Variants in SLC35F2 observed in about 807,000 individuals in gnomAD.
The protein encoded by SLC35F2 is queuine/queuosine transporter SLC35F2.
A neutral mutation model predicts 38.1 loss-of-function variants in SLC35F2; 25 were observed. That is an observed-to-expected ratio of 0.66 (90% CI 0.48 to 0.92). SLC35F2 has a LOEUF of 0.92. Among genes scored for constraint, SLC35F2 ranks in the 40% least tolerant of loss-of-function variants. The pLI is 0.00. For synonymous variants in SLC35F2, 173 were observed against 181.7 expected (o/e 0.95, Z 0.38); for missense variants, 409 against 452.9 (o/e 0.90, Z 0.88).
chr11:107,792,695 G>C lies in SLC35F2; in HGVS notation c.1045C>G (p.Pro349Ala). The change falls in exon 8 of 8, where the codon CCA becomes GCA. Residue 349 changes from proline to alanine, a missense_variant. Coordinates refer to ENST00000525815, the MANE Select transcript of SLC35F2 (RefSeq NM_017515.5). ...TTGTCAATCCCAATGCTGGTGACTG[G>C]AGGCACGCTGCTTTCAGCCGGCTCG... Reference protein sequence around the residue: ...TAEPAESSVPPVTSIGIDNLG... With the variant: ...TAEPAESSVPAVTSIGIDNLG... 1 of 1,613,950 alleles carries C rather than the reference G, an allele frequency of 6.2e-7. No individual in the cohort carries two copies. Among genetic ancestry groups the C allele is most frequent in the African/African-American group, 1.3e-5 (1 of 75,026 alleles).
intron 4 of SLC35F2, 70 bp from the exon 5 acceptor site, chr11:107,805,585 G>A (rs1476921212): frequency 2.6e-5 from 40 of 1,533,846 alleles, no homozygotes; most frequent in Non-Finnish European, 3.0e-5. Context: ...GCCTCCAGGC[G>A]GTCATCTGAC....
intron 1 of SLC35F2, among the ~76,000 whole-genome samples, chr11:107,832,315 A>ATT (rs1859856919): frequency 1.3e-5 from 2 of 152,216 alleles, no homozygotes; most frequent in Admixed American, 6.5e-5. Flanking sequence ...TTCTGAATCT[A>ATT]CGAGAACAAG....
At chr11:107,809,819 A>G in intron 3 of SLC35F2, 2 of 985,354 alleles carry the variant, frequency 2.0e-6, no homozygotes, top group South Asian at 4.7e-5. Context: ...GAAAATGAAA[A>G]TTGAATTAAC....
intron 1 of SLC35F2, among the ~76,000 whole-genome samples, chr11:107,834,481 T>C (rs534781383): frequency 2.0e-5 from 3 of 152,058 alleles, no homozygotes; most frequent in Non-Finnish European, 4.4e-5. Flanking sequence ...TGAAACCCCA[T>C]CTCTACTAAA....
intron 3 of SLC35F2, among the ~76,000 whole-genome samples, chr11:107,808,714 C>T (rs978230693): frequency 2.6e-5 from 4 of 152,156 alleles, no homozygotes; most frequent in African/African-American, 9.7e-5. Context: ...GTTATTTATT[C>T]CAGCTGCAGA....
chr11:107,826,143 A>G (rs914405627), intron 1 of SLC35F2, among the ~76,000 whole-genome samples: 6 of 152,238 alleles, frequency 3.9e-5, no homozygotes, highest in African/African-American at 1.4e-4. Flanking sequence ...AAAGCAAGGC[A>G]CATATTTATA....
intron 1 of SLC35F2, among the ~76,000 whole-genome samples, chr11:107,840,149 C>T (rs778008729): frequency 6.6e-6 from 1 of 152,096 alleles, no homozygotes; most frequent in Non-Finnish European, 1.5e-5. Flanking sequence ...AAGAGGTGCA[C>T]AAACATGGAC....
At chr11:107,828,952 C>A (rs1309703585) in intron 1 of SLC35F2, among the ~76,000 whole-genome samples, 1 of 149,630 alleles carries the variant, frequency 6.7e-6, no homozygotes, top group Non-Finnish European at 1.5e-5. Flanking sequence ...ACTAAAAATA[C>A]AAAAAATTAG....
intron 1 of SLC35F2, among the ~76,000 whole-genome samples, chr11:107,837,184 C>A (rs1859942710): frequency 6.6e-6 from 1 of 152,136 alleles, no homozygotes; most frequent in Non-Finnish European, 1.5e-5. Flanking sequence ...ACTGTCCCAT[C>A]CCCTACATAA....
At chr11:107,795,509 ACAAT>A (rs1859203999) in intron 7 of SLC35F2, among the ~76,000 whole-genome samples, 1 of 152,250 alleles carries the variant, frequency 6.6e-6, no homozygotes. Context: ...AGCAAAGAAG[ACAAT>A]CAACAGAGTG....
intron 1 of SLC35F2, among the ~76,000 whole-genome samples, chr11:107,824,194 C>T (rs954648072): frequency 1.3e-5 from 2 of 152,096 alleles, no homozygotes; most frequent in African/African-American, 4.8e-5. Flanking sequence ...TGTATATGAT[C>T]ACCTCACAAA....
intron 2 of SLC35F2, among the ~76,000 whole-genome samples, chr11:107,814,158 A>C (rs996930653): frequency 1.3e-5 from 2 of 152,166 alleles, no homozygotes; most frequent in African/African-American, 4.8e-5. Flanking sequence ...ACCCCTTTAC[A>C]ACAAAGGGTT....
At chr11:107,832,611 T>C (rs1238358899) in intron 1 of SLC35F2, among the ~76,000 whole-genome samples, 1 of 152,126 alleles carries the variant, frequency 6.6e-6, no homozygotes, top group African/African-American at 2.4e-5. Context: ...AAGACAAGCC[T>C]GGGCAACATG....
chr11:107,794,069 A>G (rs962862227), intron 7 of SLC35F2, among the ~76,000 whole-genome samples: 1 of 147,670 alleles, frequency 6.8e-6, no homozygotes, highest in African/African-American at 2.5e-5. Flanking sequence ...TAAAGAAATC[A>G]GTCTGTATTT....
At chr11:107,810,058 A>G (rs1321208877) in intron 3 of SLC35F2, 10 of 985,310 alleles carry the variant, frequency 1.0e-5, no homozygotes, top group Non-Finnish European at 1.2e-5. Context: ...AGGTTCAAAG[A>G]CCACCTAATC....
In SLC35F2 at chr11:107,792,040, T is replaced by C. The variant is rs1260014438; in HGVS notation, c.*575A>G. 6.6e-6 allele frequency: 1 copy of C among 151,826 alleles called. No individual in the cohort carries two copies. Among genetic ancestry groups the C allele is most frequent in the Non-Finnish European group, 1.5e-5 (1 of 68,134 alleles). The allele number at this position is 151,826 out of a possible 1,614,324, so 9.4% of individuals were successfully genotyped here. On this transcript the variant is annotated 3_prime_UTR_variant, in exon 8 of 8. Coordinates refer to ENST00000525815, the MANE Select transcript of SLC35F2 (RefSeq NM_017515.5). ...TTACTGCACTCCAGTTTAATGCTTG[T>C]ATAGTACTCACACTTATATCTCAAG...
intron 1 of SLC35F2, among the ~76,000 whole-genome samples, chr11:107,854,566 C>T (rs551841777): frequency 9.2e-5 from 14 of 152,278 alleles, no homozygotes; most frequent in African/African-American, 2.9e-4. Flanking sequence ...CAAAATTACA[C>T]ACTCCACTAA....
Position 107,803,135 on chromosome 11 carries a change from C to T in SLC35F2, c.805G>A (p.Ala269Thr). The change falls in exon 7 of 8, where the codon GCC becomes ACC. Residue 269 changes from alanine (A) to threonine (T), a missense_variant. Coordinates refer to ENST00000525815, the MANE Select transcript of SLC35F2 (RefSeq NM_017515.5). ...CTGTACAGGCAAAACATACACAGGG[C>T]AAATGCCACGAACAGCAGGGCTGTG... Reference protein sequence around the residue: ...WKIALLFVAFALCMFCLYSFM... With the variant: ...WKIALLFVAFTLCMFCLYSFM... The T allele has an allele frequency of 6.2e-7, 1 of 1,609,590 alleles. No individual in the cohort carries two copies. Among genetic ancestry groups the T allele is most frequent in the Non-Finnish European group, 8.5e-7 (1 of 1,178,872 alleles).
intron 3 of SLC35F2, chr11:107,810,858 T>G: frequency 1.0e-6 from 1 of 981,672 alleles, no homozygotes; most frequent in Non-Finnish European, 1.2e-6. Context: ...AAATTTGGAG[T>G]CAAGTAAGAA....
Sources: allele counts gnomAD v4.1 joint callset (sites outside exome capture counted in the v4.1 genomes callset), GRCh38; gene constraint gnomAD v4.1.1; transcripts MANE v1.5; gene names NCBI Gene and HGNC (gene_info 2026-07-23, HGNC 2026-07-21).